The following TSHR variants were observed in gnomAD, a reference collection of about 807,000 sequenced individuals.
TSHR encodes thyrotropin receptor.
In TSHR, 51 loss-of-function variants were observed where a neutral mutation model predicts 64.1. That is an observed-to-expected ratio of 0.80 (90% CI 0.64 to 1.01). The LOEUF is 1.01. TSHR is among the 50% of genes least tolerant of loss of function. The probability of loss-of-function intolerance (pLI) is 0.00; values close to 1 mark genes in which losing one functional copy is unlikely to be tolerated. For synonymous variants in TSHR, 361 were observed against 361.9 expected (o/e 1.00, Z 0.03); for missense variants, 877 against 942.8 (o/e 0.93, Z 0.91).
intron 7 of TSHR, among the ~76,000 whole-genome samples, chr14:81,105,867 A>G (rs565266731): frequency 6.6e-6 from 1 of 152,326 alleles, no homozygotes; most frequent in African/African-American, 2.4e-5. Flanking sequence ...TCCAGAGAAT[A>G]CAAAAAGAGA....
intron 1 of TSHR, among the ~76,000 whole-genome samples, chr14:81,017,318 G>T (rs1405642968): frequency 6.6e-6 from 1 of 152,170 alleles, no homozygotes; most frequent in Non-Finnish European, 1.5e-5. Flanking sequence ...GTGATTACAG[G>T]ATGGTAAGTT....
chr14:81,093,766 A>T (rs1267156194), intron 6 of TSHR: 2 of 152,280 alleles, frequency 1.3e-5, no homozygotes, highest in African/African-American at 4.8e-5. Flanking sequence ...GCTCCTTCTC[A>T]GTCATAATTT....
At chr14:81,113,268 C>T (rs548454523) in intron 8 of TSHR, among the ~76,000 whole-genome samples, 7 of 152,254 alleles carry the variant, frequency 4.6e-5, no homozygotes, top group African/African-American at 7.2e-5. Flanking sequence ...GCTGATGGAT[C>T]GGATATAGCA....
intron 8 of TSHR, among the ~76,000 whole-genome samples, chr14:81,136,992 T>C (rs995924682): frequency 6.6e-6 from 1 of 152,166 alleles, no homozygotes; most frequent in Non-Finnish European, 1.5e-5. Flanking sequence ...AAATGATACT[T>C]ATGACTCCAC....
chr14:80,997,055 T>C (rs770785024), intron 1 of TSHR, among the ~76,000 whole-genome samples: 1 of 152,212 alleles, frequency 6.6e-6, no homozygotes, highest in Non-Finnish European at 1.5e-5. Flanking sequence ...TTCTGTTTTC[T>C]CTACTTAATC....
At chr14:81,108,584 G>T in intron 8 of TSHR, 132 bp downstream of exon 8, 1 of 1,612,924 alleles carries the variant, frequency 6.2e-7, no homozygotes, top group Non-Finnish European at 8.5e-7. Flanking sequence ...AAAGGCTTCT[G>T]CAAGTCCCTC....
At chr14:81,131,547 T>G (rs1891249200) in intron 8 of TSHR, among the ~76,000 whole-genome samples, 1 of 152,224 alleles carries the variant, frequency 6.6e-6, no homozygotes, top group African/African-American at 2.4e-5. Context: ...TTCTATGCCC[T>G]CACCGTCTCA....
chr14:81,043,722 G>T (rs956747762), intron 1 of TSHR, among the ~76,000 whole-genome samples: 1 of 152,114 alleles, frequency 6.6e-6, no homozygotes, highest in Non-Finnish European at 1.5e-5. Context: ...GCATGGTACT[G>T]GGACAAGAAC....
At chr14:81,088,425 C>G (rs1888452665) in intron 4 of TSHR, among the ~76,000 whole-genome samples, 1 of 152,134 alleles carries the variant, frequency 6.6e-6, no homozygotes, top group South Asian at 2.1e-4. Flanking sequence ...AAATACACTT[C>G]CATGGGGAGT....
chr14:81,017,552 G>T (rs1378271869), intron 1 of TSHR, among the ~76,000 whole-genome samples: 3 of 152,092 alleles, frequency 2.0e-5, no homozygotes, highest in Admixed American at 2.0e-4. Flanking sequence ...ATGCCCTGTG[G>T]GTCTGTTAAA....
At chr14:80,955,881 C>T (rs969571271) in intron 1 of TSHR, 31 bp downstream of exon 1, 6 of 1,613,790 alleles carry the variant, frequency 3.7e-6, no homozygotes, top group Non-Finnish European at 4.2e-6. Flanking sequence ...AGGGTAGGAC[C>T]CAGAGATCAA....
chr14:80,965,137 G>T (rs1887236484), intron 1 of TSHR, among the ~76,000 whole-genome samples: 1 of 152,164 alleles, frequency 6.6e-6, no homozygotes, highest in South Asian at 2.1e-4. Flanking sequence ...CGATTGGTCG[G>T]CTGCTTAATT....
intron 2 of TSHR, among the ~76,000 whole-genome samples, chr14:81,065,989 A>G (rs1466468305): frequency 6.6e-6 from 1 of 152,192 alleles, no homozygotes; most frequent in Non-Finnish European, 1.5e-5. Flanking sequence ...ATGATGTTTA[A>G]ATGCGAAGAA....
chr14:80,988,511 A>G (rs140058458), intron 1 of TSHR, among the ~76,000 whole-genome samples: 300 of 152,292 alleles, frequency 2.0e-3, no homozygotes, highest in Admixed American at 4.4e-3. Context: ...CACCTCCAAC[A>G]TTGAGGATTA....
intron 1 of TSHR, among the ~76,000 whole-genome samples, chr14:81,059,704 G>A (rs1886089638): frequency 1.3e-5 from 2 of 152,084 alleles, no homozygotes; most frequent in Non-Finnish European, 2.9e-5. Flanking sequence ...CAGATGCTCT[G>A]AGACACATAA....
intron 8 of TSHR, among the ~76,000 whole-genome samples, chr14:81,124,523 T>C (rs1890937698): frequency 1.3e-5 from 2 of 152,148 alleles, no homozygotes; most frequent in African/African-American, 4.8e-5. Context: ...AGACATGCTA[T>C]TTTTCTAATA....
At chr14:81,123,319 T>C (rs1351907066) in intron 8 of TSHR, among the ~76,000 whole-genome samples, 4 of 152,190 alleles carry the variant, frequency 2.6e-5, no homozygotes, top group Non-Finnish European at 4.4e-5. Flanking sequence ...TAATCATACA[T>C]AGACATGTGA....
At chr14:80,987,801 C>A (rs1374692940) in intron 1 of TSHR, among the ~76,000 whole-genome samples, 2 of 152,182 alleles carry the variant, frequency 1.3e-5, no homozygotes, top group Non-Finnish European at 2.9e-5. Flanking sequence ...CTGCCTCCAG[C>A]CTTCTACCAA....
chr14:80,981,826 C>T (rs1278920542), intron 1 of TSHR, among the ~76,000 whole-genome samples: 1 of 152,164 alleles, frequency 6.6e-6, no homozygotes, highest in Non-Finnish European at 1.5e-5. Context: ...ACAGAGGCTG[C>T]ATGTTTGGCA....
Sources: allele counts gnomAD v4.1 joint callset (sites outside exome capture counted in the v4.1 genomes callset), GRCh38; gene constraint gnomAD v4.1.1; transcripts MANE v1.5; gene names NCBI Gene and HGNC (gene_info 2026-07-23, HGNC 2026-07-21).